Variants in MKLN1 observed in about 807,000 individuals in gnomAD.
The protein encoded by MKLN1 is muskelin 1.
In MKLN1, 18 loss-of-function variants were observed where a neutral mutation model predicts 99.0. The observed-to-expected ratio is 0.18, with a 90% CI of 0.13 to 0.27. The LOEUF is 0.27. MKLN1 is among the 10% of genes least tolerant of loss of function. The pLI is 1.00. For synonymous variants in MKLN1, 288 were observed against 293.2 expected (o/e 0.98, Z 0.18); for missense variants, 621 against 875.9 (o/e 0.71, Z 3.67).
intron 3 of MKLN1, among the ~76,000 whole-genome samples, chr7:131,247,824 C>T (rs560776644): frequency 1.3e-5 from 2 of 152,236 alleles, no homozygotes; most frequent in Non-Finnish European, 2.9e-5. Context: ...TTGTACATTT[C>T]CCCCATTTAT....
intron 8 of MKLN1, among the ~76,000 whole-genome samples, chr7:131,418,548 A>C (rs942714786): frequency 3.3e-5 from 5 of 152,172 alleles, no homozygotes; most frequent in African/African-American, 1.2e-4. Context: ...TAAGTTTACA[A>C]ATTTGTCTTG....
chr7:131,135,315 GT>G (rs1214208796), intron 1 of MKLN1, among the ~76,000 whole-genome samples: 1 of 152,126 alleles, frequency 6.6e-6, no homozygotes, highest in African/African-American at 2.4e-5. Flanking sequence ...TAGAGACGGG[GT>G]TTCACCATGC....
At chr7:131,212,246 A>G (rs1276284023) in intron 3 of MKLN1, among the ~76,000 whole-genome samples, 1 of 152,214 alleles carries the variant, frequency 6.6e-6, no homozygotes, top group South Asian at 2.1e-4. Flanking sequence ...CTCCAAGGCA[A>G]ACTTGAACCT....
At chr7:131,440,307 G>A (rs1262638762) in intron 10 of MKLN1, among the ~76,000 whole-genome samples, 10 of 152,196 alleles carry the variant, frequency 6.6e-5, no homozygotes. Flanking sequence ...CTGTAAGCCA[G>A]ATGAGAGTCA....
chr7:131,280,536 T>A (rs1396060380), intron 3 of MKLN1, among the ~76,000 whole-genome samples: 1 of 152,226 alleles, frequency 6.6e-6, no homozygotes, highest in East Asian at 1.9e-4. Context: ...GACTTGCATT[T>A]CCTGAATGAC....
intron 1 of MKLN1, chr7:131,328,212 G>A: frequency 1.7e-6 from 1 of 593,358 alleles, no homozygotes; most frequent in Non-Finnish European, 2.9e-6. Context: ...GGGAGAAGGG[G>A]CGAGGTGTGT....
chr7:131,397,192 T>C, intron 4 of MKLN1, 75 bp from the exon 5 acceptor site: 1 of 977,988 alleles, frequency 1.0e-6, no homozygotes, highest in Non-Finnish European at 1.6e-6. Context: ...GGTTGAATAG[T>C]GCTTTTACTT....
intron 8 of MKLN1, among the ~76,000 whole-genome samples, chr7:131,419,869 C>T (rs1584723042): frequency 6.6e-6 from 1 of 152,128 alleles, no homozygotes; most frequent in South Asian, 2.1e-4. Context: ...CTTTAACCTA[C>T]ATGCAGAGTG....
rs1243433798 is a variant in MKLN1, at chr7:131,341,820, A to G, written c.98+13823A>G. On this transcript the variant is annotated intron_variant, in intron 1 of 17. Transcript: ENST00000352689. The stretch of plus-strand genomic sequence containing the variant: ...CAGTTCATAGTAGGTTGGTGCTCCT[A>G]TGAGAGTCTAATGCCTATGCTGATC... Among the ~76,000 whole-genome samples, 8 of 152,238 alleles carry G rather than the reference A, an allele frequency of 5.3e-5. No homozygotes were observed. The South Asian group carries it at 1.4e-3, about 28-fold the overall frequency.
chr7:131,161,742 G>A (rs552524498), intron 2 of MKLN1, among the ~76,000 whole-genome samples: 70 of 151,676 alleles, frequency 4.6e-4, no homozygotes, highest in African/African-American at 1.6e-3. Context: ...TAGTAGGGAC[G>A]GGGTTTCACC....
intron 1 of MKLN1, among the ~76,000 whole-genome samples, chr7:131,121,606 T>G (rs1380624504): frequency 8.7e-6 from 1 of 115,230 alleles, no homozygotes; most frequent in Non-Finnish European, 1.6e-5. Context: ...GCCACTGCAC[T>G]CCAGCCTGAG....
intron 17 of MKLN1, among the ~76,000 whole-genome samples, chr7:131,486,313 C>CTAT (rs1045789633): frequency 6.6e-6 from 1 of 151,442 alleles, no homozygotes; most frequent in Non-Finnish European, 1.5e-5. Flanking sequence ...TCAGAGATAA[C>CTAT]CTTTGTTAAT....
At chr7:131,264,649 G>A (rs1797781215) in intron 3 of MKLN1, among the ~76,000 whole-genome samples, 2 of 150,716 alleles carry the variant, frequency 1.3e-5, no homozygotes, top group South Asian at 4.2e-4. Flanking sequence ...GAGGGTTTTT[G>A]GGTTTTTTTT....
At chr7:131,369,941 A>G (rs751621724) in intron 1 of MKLN1, among the ~76,000 whole-genome samples, 1 of 152,112 alleles carries the variant, frequency 6.6e-6, no homozygotes, top group Admixed American at 6.5e-5. Context: ...GGTTCAAGCA[A>G]TTCTCCTGCC....
chr7:131,145,211 A>G (rs1163018551), intron 2 of MKLN1, among the ~76,000 whole-genome samples: 1 of 152,220 alleles, frequency 6.6e-6, no homozygotes, highest in East Asian at 1.9e-4. Context: ...CAATCCTGAC[A>G]AAATGTAATA....
In MKLN1 at chr7:131,355,062, G is replaced by A. The variant is rs112286801; in HGVS notation, c.99-20362G>A. On this transcript the variant is annotated intron_variant, in intron 1 of 17. Coordinates refer to ENST00000352689, the MANE Select transcript of MKLN1 (RefSeq NM_013255.5). ...CCCAAAGTGCTGGGATTACAAGTGCGAACCACTGCAGTCAGCCCACTCTTT... is the reference window on the plus strand; with the variant it reads ...CCCAAAGTGCTGGGATTACAAGTGCAAACCACTGCAGTCAGCCCACTCTTT... Among the ~76,000 whole-genome samples, 533 of 152,182 alleles carry A rather than the reference G, an allele frequency of 3.5e-3. 2 individuals carry two copies. The highest frequency in any genetic ancestry group is 0.012 in the African/African-American group (506 of 41,532).
chr7:131,465,073 G>A (rs1041350809), intron 14 of MKLN1, among the ~76,000 whole-genome samples: 3 of 151,880 alleles, frequency 2.0e-5, no homozygotes, highest in Non-Finnish European at 4.4e-5. Context: ...ATGGGAGTGA[G>A]TAAAAGCCCT....
chr7:131,389,209 A>G (rs1011740565), intron 4 of MKLN1, among the ~76,000 whole-genome samples: 2 of 152,102 alleles, frequency 1.3e-5, no homozygotes, highest in African/African-American at 2.4e-5. Flanking sequence ...CCTTTACAGG[A>G]GAAGTTTGCT....
intron 2 of MKLN1, among the ~76,000 whole-genome samples, chr7:131,158,593 TCA>T (rs1297396468): frequency 2.0e-5 from 3 of 152,176 alleles, no homozygotes; most frequent in Non-Finnish European, 4.4e-5. Flanking sequence ...TTTCTCTAGA[TCA>T]CACACTTTCC....
Sources: allele counts gnomAD v4.1 joint callset (sites outside exome capture counted in the v4.1 genomes callset), GRCh38; gene constraint gnomAD v4.1.1; transcripts MANE v1.5; gene names NCBI Gene and HGNC (gene_info 2026-07-23, HGNC 2026-07-21).